Variants in TP53I3 observed in about 807,000 individuals in gnomAD.
TP53I3 encodes tumor protein p53 inducible protein 3.
Under a neutral mutation model 27.7 loss-of-function variants are expected in TP53I3, and 32 were observed. The ratio of observed to expected loss-of-function variants is 1.16; its 90% confidence interval spans 0.87 to 1.55. The LOEUF is 1.55. Among genes scored for constraint, TP53I3 ranks in the 40% most tolerant of loss-of-function variants. The pLI is 0.00. For synonymous variants in TP53I3, 138 were observed against 167.8 expected, an observed-to-expected ratio of 0.82 and a Z score of 1.37; for missense variants, 372 against 412.3, an observed-to-expected ratio of 0.90 and a Z score of 0.85.
At chr2:24,079,377 G>A (rs1175017970) in intron 4 of TP53I3, 67 bp downstream of exon 4, 7 of 1,525,346 alleles carry the variant, frequency 4.6e-6, no homozygotes, top group South Asian at 2.4e-5. Context: ...TTCCTTTCTC[G>A]GGGTAATGTA....
In TP53I3 at chr2:24,079,603, T is replaced by A; in HGVS notation, c.657A>T (p.Gly219=). Residue 219 remains glycine, a synonymous_variant, in exon 4 of 5, where the codon GGA becomes GGT. Transcript: ENST00000238721. Reference sequence around the variant, plus strand: ...AGTTGACGTTCTTCTCCCAGTAGGATCCGCCTATGCAGTCTAGAATAAGAT... The same window carrying A: ...AGTTGACGTTCTTCTCCCAGTAGGAACCGCCTATGCAGTCTAGAATAAGAT... The part of the protein sequence containing the change: ...GVNLILDCIG[G]SYWEKNVNCL... 6.2e-7 allele frequency: 1 copy of A among 1,614,054 alleles called. No individual in the cohort carries two copies.
chr2:24,077,878 C>T lies in TP53I3; in HGVS notation c.817-117G>A. The stretch of plus-strand genomic sequence containing the variant: ...ACGTATCTGAAAAAGCACACAGGGA[C>T]ACTTAACCCCTCACTTCCTAGCATG... On this transcript the variant is annotated intron_variant, in intron 4 of 4. Coordinates refer to ENST00000238721, the MANE Select transcript of TP53I3 (RefSeq NM_004881.5). The surrounding 1 kb of genome is among the most constrained non-coding windows in gnomAD (Gnocchi z 5.5). The T allele has an allele frequency of 9.3e-7, 1 of 1,077,188 alleles. No homozygotes were observed. Among genetic ancestry groups the T allele is most frequent in the Middle Eastern group, 3.0e-4 (1 of 3,336 alleles). 66.7% of individuals were successfully genotyped at this position (1,077,188 alleles called of 1,614,324 possible). A position where few individuals can be genotyped will look rare whatever the true frequency, so the allele number is the denominator to read the frequency against.
intron 4 of TP53I3, among the ~76,000 whole-genome samples, chr2:24,078,203 TCC>T (rs1267796243): frequency 6.6e-6 from 1 of 151,968 alleles, no homozygotes; most frequent in Non-Finnish European, 1.5e-5. Context: ...CCCATATATC[TCC>T]TAGTGACTTC....
intron 2 of TP53I3, among the ~76,000 whole-genome samples, chr2:24,081,321 C>A (rs952819979): frequency 3.3e-5 from 5 of 152,178 alleles, no homozygotes; most frequent in Admixed American, 3.3e-4. Flanking sequence ...CTATAAGCAG[C>A]CACATCCATA....
intron 3 of TP53I3, 26 bp from the exon 4 acceptor site, chr2:24,079,666 G>C (rs1320246503): frequency 6.2e-7 from 1 of 1,606,550 alleles, no homozygotes; most frequent in Non-Finnish European, 8.5e-7. Context: ...GATTTGTGAT[G>C]CTAGTCAGCT....
In TP53I3 at chr2:24,082,955, T is replaced by C; in HGVS notation, c.336A>G (p.Gly112=). The change falls in exon 2 of 5, where the codon GGA becomes GGG. Residue 112 remains glycine (G), a synonymous_variant. Transcript: ENST00000238721. ...TGGCTGCAGCCTGGGTCAGGGTCAA[T>C]CCCTCTGGGATAGGCATGAGGAGCC... ...PEGLLMPIPE[G]LTLTQAAAIP... is the part of the protein sequence containing the mutation. 6.2e-7 allele frequency: 1 copy of C among 1,614,012 alleles called. No individual in the cohort carries two copies. Among genetic ancestry groups the C allele is most frequent in the Non-Finnish European group, 8.5e-7 (1 of 1,180,002 alleles).
chr2:24,081,720 ACTCT>A (rs1038046092), intron 2 of TP53I3, among the ~76,000 whole-genome samples: 1 of 139,642 alleles, frequency 7.2e-6, no homozygotes, highest in African/African-American at 2.7e-5. Context: ...ACGGAGTCTC[ACTCT>A]GTCACCCAGG....
intron 2 of TP53I3, among the ~76,000 whole-genome samples, chr2:24,081,514 A>G (rs1665001239): frequency 1.3e-5 from 2 of 152,120 alleles, no homozygotes. Context: ...CTAAGATGGC[A>G]CTTGCATTAT....
At position 24,079,548 on chromosome 2, in the gene TP53I3, A is replaced by G. The variant is rs1385376093; in HGVS notation, c.712T>C (p.Tyr238His). 1.2e-6 allele frequency: 2 copies of G among 1,614,194 alleles called. No homozygotes were observed. Among genetic ancestry groups the G allele is most frequent in the South Asian group, 1.1e-5 (1 of 91,084 alleles). Residue 238 changes from tyrosine to histidine, a missense_variant, in exon 4 of 5, where the codon TAT becomes CAT. By Grantham distance (83) the Tyr-to-His change is moderately conservative. Coordinates refer to ENST00000238721, the MANE Select transcript of TP53I3 (RefSeq NM_004881.5). Reference sequence around the variant, plus strand: ...ATGTCACCTCCTCCCATCAGACCATAGAGAACCCATCGACCATCAAGAGCC... The same window carrying G: ...ATGTCACCTCCTCCCATCAGACCATGGAGAACCCATCGACCATCAAGAGCC... ...CLALDGRWVLYGLMGGGDING... is the reference protein window; with the variant it reads ...CLALDGRWVLHGLMGGGDING...
intron 4 of TP53I3, chr2:24,078,891 T>A (rs2150982684): frequency 6.6e-6 from 1 of 150,572 alleles, no homozygotes; most frequent in African/African-American, 2.4e-5. Context: ...TTTTTTTTTT[T>A]GAGATGAGGT....
rs565929756 is a variant in TP53I3, at chr2:24,080,263, G to A, written c.619+556C>T. On this transcript the variant is annotated intron_variant, in intron 3 of 4. Transcript: ENST00000238721. The surrounding 1 kb of genome is among the most constrained non-coding windows in gnomAD (Gnocchi z 4.7). ...TCAGCTACTCAGGAGGCTAAGGCTG[G>A]AGAATCACTTGAACCTGGGAGGCGG... Among the ~76,000 whole-genome samples, 8 of 152,100 alleles carry A rather than the reference G, an allele frequency of 5.3e-5. No individual in the cohort carries two copies. In the South Asian group the frequency reaches 1.7e-3, roughly 32 times the overall value.
chr2:24,078,586 G>A (rs2150982382), intron 4 of TP53I3, among the ~76,000 whole-genome samples: 1 of 152,268 alleles, frequency 6.6e-6, no homozygotes, highest in East Asian at 1.9e-4. Context: ...AGCTAAAGGG[G>A]GGTTACAGGT....
intron 2 of TP53I3, among the ~76,000 whole-genome samples, chr2:24,082,642 T>G (rs4149372): frequency 0.28 from 42,720 of 152,028 alleles, 6,485 homozygotes; most frequent in South Asian, 0.39. Flanking sequence ...AGCTGGGACT[T>G]CTGCTGGGCG....
Position 24,084,400 on chromosome 2 carries a change from GCAGGA to G in TP53I3, c.-79_-75del. ...GCAGGGCAGGACAGGACAGGGCAGG[GCAGGA>G]CAGGACAGGGCAGGGGCCGCTGTAT... is the stretch of plus-strand genomic sequence containing the variant. On this transcript the variant is annotated 5_prime_UTR_variant, in exon 1 of 5. Transcript: ENST00000238721. The surrounding 1 kb of genome is among the most constrained non-coding windows in gnomAD (Gnocchi z 8.4). 1 of 1,478,776 alleles carries G rather than the reference GCAGGA, an allele frequency of 6.8e-7. No individual in the cohort carries two copies. Among genetic ancestry groups the G allele is most frequent in the Admixed American group, 1.9e-5 (1 of 52,296 alleles). The allele number at this position is 1,478,776 out of a possible 1,614,324, so 91.6% of individuals were successfully genotyped here.
rs71395187 is a variant in TP53I3, at chr2:24,083,237, C to CTT, written c.139-87_139-86dup. The CTT allele has an allele frequency of 2.8e-3, 3,705 of 1,310,866 alleles. 2 individuals are homozygous for CTT. Among genetic ancestry groups the CTT allele is most frequent in the African/African-American group, 8.4e-3 (553 of 65,962 alleles). The allele number at this position is 1,310,866 out of a possible 1,614,324, so 81.2% of individuals were successfully genotyped here. On this transcript the variant is annotated intron_variant, in intron 1 of 4. Transcript: ENST00000238721. ...CCTGGCCCCCCTTCCAAGATCCCCTCTTTTTTTTTTCAAAAATAAATTTCA... is the reference window on the plus strand; with the variant it reads ...CCTGGCCCCCCTTCCAAGATCCCCTCTTTTTTTTTTTTCAAAAATAAATTTCA...
intron 4 of TP53I3, among the ~76,000 whole-genome samples, chr2:24,078,118 C>T (rs994782994): frequency 4.6e-5 from 7 of 152,142 alleles, no homozygotes; most frequent in Non-Finnish European, 2.9e-5. Context: ...AGACTGGAAA[C>T]GGGGCTGCAA....
At chr2:24,079,701 A>ATCT in intron 3 of TP53I3, 61 bp from the exon 4 acceptor site, 2 of 1,510,344 alleles carry the variant, frequency 1.3e-6, no homozygotes, top group Non-Finnish European at 1.8e-6. Context: ...ATACCATGGT[A>ATCT]TATTTGGGGA....
chr2:24,078,480 T>TA (rs36089798), intron 4 of TP53I3, among the ~76,000 whole-genome samples: 1,313 of 104,888 alleles, frequency 0.013, 16 homozygotes, highest in African/African-American at 0.044. Flanking sequence ...CCTGTCTCCA[T>TA]AAAAAAAAAA....
chr2:24,077,573 C>A lies in TP53I3; in HGVS notation c.*6G>T, dbSNP rs764883118. ...GTGGCCGCGTCCTGTCCTGCCCCAT[C>A]CTCCTTCACTGGGGCAGTTCCAGGA... On this transcript the variant is annotated 3_prime_UTR_variant, in exon 5 of 5. Transcript: ENST00000238721. The surrounding 1 kb of genome is among the most constrained non-coding windows in gnomAD (Gnocchi z 5.5). 4.3e-5 allele frequency: 69 copies of A among 1,587,886 alleles called. No individual in the cohort carries two copies. The highest frequency in any genetic ancestry group is 5.4e-5 in the Non-Finnish European group (63 of 1,164,830).
Sources: gnomAD v4.1 joint callset for allele counts (sites outside exome capture counted in the v4.1 genomes callset) on GRCh38, gnomAD v4.1.1 for gene constraint, Gnocchi (gnomAD v3.1) non-coding constraint, MANE v1.5 for transcripts, NCBI Gene and HGNC (gene_info 2026-07-23, HGNC 2026-07-21) for gene names.